The following SHANK2 variants were observed in gnomAD, a reference collection of about 807,000 sequenced individuals.
SHANK2 encodes SH3 and multiple ankyrin repeat domains 2.
A neutral mutation model predicts 133.7 loss-of-function variants in SHANK2; 43 were observed. The ratio of observed to expected loss-of-function variants is 0.32; its 90% confidence interval spans 0.25 to 0.41. The LOEUF is 0.41. Ranked by LOEUF, SHANK2 falls within the 10% of genes least tolerant of loss-of-function variation. SHANK2 has a pLI of 1.00. For synonymous variants in SHANK2, 1,017 were observed against 952.8 expected (o/e 1.07, Z -1.24); for missense variants, 1,994 against 2,235.8 (o/e 0.89, Z 2.18).
intron 2 of SHANK2, among the ~76,000 whole-genome samples, chr11:71,222,817 CA>C (rs1359651261): frequency 5.1e-4 from 77 of 152,372 alleles, no homozygotes; most frequent in African/African-American, 1.8e-3. Flanking sequence ...CACACGTTCT[CA>C]TATGCATCCT....
At chr11:71,244,423 C>T (rs10792581) in intron 1 of SHANK2, among the ~76,000 whole-genome samples, 48,466 of 152,080 alleles carry the variant, frequency 0.32, 7,839 homozygotes, top group East Asian at 0.44. Context: ...CATGCACTGA[C>T]AAGGCGGATC....
intron 14 of SHANK2, among the ~76,000 whole-genome samples, chr11:70,785,306 G>A (rs1395133176): frequency 1.3e-5 from 2 of 152,200 alleles, no homozygotes; most frequent in African/African-American, 4.8e-5. Context: ...GCTGCTAAAA[G>A]TGTTGGGGTG....
chr11:70,894,726 C>T (rs782142290), intron 11 of SHANK2, among the ~76,000 whole-genome samples: 1 of 152,168 alleles, frequency 6.6e-6, no homozygotes, highest in Non-Finnish European at 1.5e-5. Flanking sequence ...CCAGACAACT[C>T]AGGATCTGTG....
chr11:70,844,637 T>C (rs1279552416), intron 11 of SHANK2, among the ~76,000 whole-genome samples: 1 of 152,226 alleles, frequency 6.6e-6, no homozygotes, highest in Admixed American at 6.5e-5. Flanking sequence ...TACATGCTGT[T>C]CTTTTACATG....
At chr11:71,121,743 T>C (rs1398948726) in intron 3 of SHANK2, among the ~76,000 whole-genome samples, 1 of 152,222 alleles carries the variant, frequency 6.6e-6, no homozygotes, top group Non-Finnish European at 1.5e-5. Context: ...AATTTTTGTA[T>C]AAGGTGTAAG....
At chr11:71,084,620 T>C (rs1951352806) in intron 8 of SHANK2, among the ~76,000 whole-genome samples, 1 of 152,172 alleles carries the variant, frequency 6.6e-6, no homozygotes, top group South Asian at 2.1e-4. Flanking sequence ...TCGGAGGTGC[T>C]TCTCCCGAGA....
At chr11:71,190,259 T>C (rs893235141) in intron 2 of SHANK2, among the ~76,000 whole-genome samples, 7 of 152,234 alleles carry the variant, frequency 4.6e-5, no homozygotes, top group Admixed American at 3.9e-4. Flanking sequence ...AGAGGGGAAA[T>C]GCTTCTGCAG....
intron 17 of SHANK2, among the ~76,000 whole-genome samples, chr11:70,525,802 G>A (rs1554972014): frequency 3.9e-5 from 6 of 151,930 alleles, no homozygotes; most frequent in Admixed American, 1.3e-4. Context: ...CAGGGATGTG[G>A]CTCCTTTAGT....
At chr11:71,128,731 T>G (rs1259792593) in intron 3 of SHANK2, among the ~76,000 whole-genome samples, 1 of 152,170 alleles carries the variant, frequency 6.6e-6, no homozygotes, top group African/African-American at 2.4e-5. Context: ...TCAGCACCAC[T>G]GCAACGTCCA....
chr11:70,568,716 C>T (rs2060004284), intron 17 of SHANK2, among the ~76,000 whole-genome samples: 3 of 146,264 alleles, frequency 2.1e-5, no homozygotes, highest in African/African-American at 2.5e-5. Flanking sequence ...CAGGCAGGGG[C>T]GCCCCAGGCC....
chr11:70,944,589 C>T (rs782307372), intron 10 of SHANK2, among the ~76,000 whole-genome samples: 44 of 152,264 alleles, frequency 2.9e-4, no homozygotes, highest in Non-Finnish European at 5.4e-4. Flanking sequence ...CCTCTATGCG[C>T]AACTTGATTT....
At chr11:70,737,281 A>C (rs2134772060) in intron 14 of SHANK2, among the ~76,000 whole-genome samples, 1 of 152,348 alleles carries the variant, frequency 6.6e-6, no homozygotes, top group Middle Eastern at 3.4e-3. Context: ...AAATAGAAAC[A>C]AGTTCAAGGA....
intron 2 of SHANK2, among the ~76,000 whole-genome samples, chr11:71,223,960 T>G (rs1422096203): frequency 6.6e-6 from 1 of 152,200 alleles, no homozygotes; most frequent in African/African-American, 2.4e-5. Context: ...TCTGTCTTTA[T>G]GGTCCCTGGT....
intron 17 of SHANK2, among the ~76,000 whole-genome samples, chr11:70,639,911 G>T (rs1395390782): frequency 1.3e-5 from 2 of 152,200 alleles, no homozygotes; most frequent in East Asian, 3.9e-4. Flanking sequence ...ACCCAGGGAC[G>T]GCCCCAAGGA....
chr11:71,119,704 G>T (rs537760121), intron 3 of SHANK2, among the ~76,000 whole-genome samples: 2 of 152,086 alleles, frequency 1.3e-5, no homozygotes, highest in East Asian at 3.9e-4. Context: ...GAAAAACACA[G>T]GTCAGAGACC....
chr11:70,692,459 G>A (rs782296670), intron 15 of SHANK2, among the ~76,000 whole-genome samples: 2 of 152,216 alleles, frequency 1.3e-5, no homozygotes. Flanking sequence ...GAGGGGAGGC[G>A]AGCTACCCAA....
chr11:70,886,737 A>G (rs1372060483), intron 11 of SHANK2, among the ~76,000 whole-genome samples: 1 of 152,094 alleles, frequency 6.6e-6, no homozygotes, highest in Non-Finnish European at 1.5e-5. Context: ...AACATATTAC[A>G]TTAAGCAATC....
chr11:70,832,755 G>C (rs1948744186), intron 11 of SHANK2, among the ~76,000 whole-genome samples: 1 of 145,328 alleles, frequency 6.9e-6, no homozygotes, highest in African/African-American at 2.5e-5. Flanking sequence ...CATGTACCCA[G>C]TGGAGGCCCA....
chr11:71,169,145 A>G (rs1364450385), intron 2 of SHANK2, among the ~76,000 whole-genome samples: 1 of 152,160 alleles, frequency 6.6e-6, no homozygotes, highest in Non-Finnish European at 1.5e-5. Context: ...AAGGCAAAGG[A>G]GACACTTGGT....
Sources: gnomAD v4.1 joint callset for allele counts (sites outside exome capture counted in the v4.1 genomes callset) on GRCh38, gnomAD v4.1.1 for gene constraint, MANE v1.5 for transcripts, NCBI Gene and HGNC (gene_info 2026-07-23, HGNC 2026-07-21) for gene names.